Variants in TMT1B observed in about 807,000 individuals in gnomAD.
The protein encoded by TMT1B is thiol methyltransferase 1B, also known as thiol S-methyltransferase TMT1B.
the TMT1B span, chr12:55,681,878 G>A: frequency 1.9e-6 from 3 of 1,607,868 alleles, no homozygotes; most frequent in South Asian, 1.1e-5. Flanking sequence ...CCTGATGGCC[G>A]TGCTGACTCC....
chr12:55,682,012 G>A, the TMT1B span: 3 of 1,614,128 alleles, frequency 1.9e-6, no homozygotes, highest in African/African-American at 2.7e-5. Flanking sequence ...CCAACTTTCA[G>A]TTCTACCCAC....
At chr12:55,684,280 A>G in the TMT1B span, 3 of 517,618 alleles carry the variant, frequency 5.8e-6, no homozygotes, top group Non-Finnish European at 1.1e-5. Context: ...CAGGGAGGAA[A>G]CACTAGGACC....
the TMT1B span, among the ~76,000 whole-genome samples, chr12:55,682,844 G>A: frequency 6.6e-6 from 1 of 152,006 alleles, no homozygotes; most frequent in Non-Finnish European, 1.5e-5. Flanking sequence ...GGATTAAGCA[G>A]AGTGTGGACG....
the TMT1B span, chr12:55,684,072 T>C: frequency 1.2e-6 from 2 of 1,605,340 alleles, no homozygotes; most frequent in Non-Finnish European, 1.7e-6. Context: ...TCCAAGGCAC[T>C]CATTTGCTCC....
the TMT1B span, chr12:55,684,256 C>T: frequency 5.9e-5 from 33 of 557,834 alleles, no homozygotes; most frequent in Non-Finnish European, 9.9e-5. Flanking sequence ...AAAAGCTCTA[C>T]TTCTACGCTG....
At chr12:55,683,946 A>T in the TMT1B span, 674 of 1,614,116 alleles carry the variant, frequency 4.2e-4, 2 homozygotes, top group African/African-American at 6.0e-3. Context: ...ACCTGGAAGG[A>T]TCTTGAGAAC....
At chr12:55,683,957 G>A in the TMT1B span, 8 of 1,614,068 alleles carry the variant, frequency 5.0e-6, no homozygotes, top group African/African-American at 1.3e-5. Context: ...TCTTGAGAAC[G>A]CCCAGTTCTC....
chr12:55,683,751 A>G, the TMT1B span: 45 of 1,497,026 alleles, frequency 3.0e-5, 1 homozygote, highest in African/African-American at 4.8e-4. Flanking sequence ...TGTCTTGATC[A>G]GCGCGATAGG....
At chr12:55,684,121 TA>T in the TMT1B span, 1 of 1,403,370 alleles carries the variant, frequency 7.1e-7, no homozygotes, top group Non-Finnish European at 1.0e-6. Flanking sequence ...CCCACCAGCC[TA>T]TCTATCTTCC....
the TMT1B span, chr12:55,683,974 C>G: frequency 6.2e-7 from 1 of 1,614,048 alleles, no homozygotes; most frequent in Admixed American, 1.7e-5. Context: ...TCTCCGAAAT[C>G]CAAATGGAAC....
At chr12:55,682,093 GAACAGGCACCTCC>G in the TMT1B span, 6 of 1,614,068 alleles carry the variant, frequency 3.7e-6, no homozygotes, top group African/African-American at 8.0e-5. Flanking sequence ...GCATGGCTGA[GAACAGGCACCTCC>G]AATATGAGCG....
the TMT1B span, chr12:55,684,414 GT>G: frequency 1.8e-5 from 4 of 221,216 alleles, no homozygotes; most frequent in Admixed American, 5.3e-5. Context: ...ACACCCATGC[GT>G]CTCTAGGAAC....
At chr12:55,683,911 G>A in the TMT1B span, 1 of 1,614,066 alleles carries the variant, frequency 6.2e-7, no homozygotes, top group South Asian at 1.1e-5. Context: ...AACACATTGG[G>A]GATGGCTGCT....
At chr12:55,683,673 T>C in the TMT1B span, 1 of 788,318 alleles carries the variant, frequency 1.3e-6, no homozygotes. Flanking sequence ...GCAGAAAAGG[T>C]CAGGGGCACG....
the TMT1B span, among the ~76,000 whole-genome samples, chr12:55,682,474 G>C: frequency 1.3e-5 from 2 of 152,068 alleles, no homozygotes; most frequent in African/African-American, 4.8e-5. Flanking sequence ...ATGGGACAGG[G>C]AGGGGAGTGG....
chr12:55,682,690 G>A, the TMT1B span, among the ~76,000 whole-genome samples: 1 of 151,958 alleles, frequency 6.6e-6, no homozygotes, highest in Non-Finnish European at 1.5e-5. Flanking sequence ...GGAAGCTGAG[G>A]TGGGAGGATC....
At chr12:55,682,889 A>G in the TMT1B span, among the ~76,000 whole-genome samples, 1 of 152,192 alleles carries the variant, frequency 6.6e-6, no homozygotes, top group African/African-American at 2.4e-5. Flanking sequence ...CTAGGTAAAG[A>G]TAGTAGGGGA....
At chr12:55,683,355 C>T in the TMT1B span, among the ~76,000 whole-genome samples, 4 of 152,208 alleles carry the variant, frequency 2.6e-5, no homozygotes, top group South Asian at 2.1e-4. Flanking sequence ...AGTAGCCGGG[C>T]GTGGTGGCTC....
chr12:55,684,199 A>C, the TMT1B span: 5 of 707,244 alleles, frequency 7.1e-6, no homozygotes, highest in South Asian at 1.8e-5. Context: ...TCTCTCCCCA[A>C]CCTCTGCCAG....
Sources: gnomAD v4.1 joint callset for allele counts (sites outside exome capture counted in the v4.1 genomes callset) on GRCh38, gnomAD v4.1.1 for gene constraint, MANE v1.5 for transcripts, NCBI Gene and HGNC (gene_info 2026-07-23, HGNC 2026-07-21) for gene names.